YEATS4: variants seen among roughly 807,000 people sequenced by gnomAD.
YEATS4 encodes YEATS domain-containing protein 4.
In YEATS4, 17 loss-of-function variants were observed where a neutral mutation model predicts 30.1. The ratio of observed to expected loss-of-function variants is 0.56; its 90% CI spans 0.39 to 0.85. YEATS4 has a LOEUF of 0.85. Among genes scored for constraint, YEATS4 ranks in the 40% least tolerant of loss-of-function variants. The pLI is 0.00. For missense variants in YEATS4, 142 were observed against 268.3 expected (o/e 0.53, Z 3.29); for synonymous variants, 85 against 87.5 (o/e 0.97, Z 0.16).
chr12:69,390,413 A>G lies in YEATS4; in HGVS notation c.*97A>G. 8.5e-7 allele frequency: 1 copy of G among 1,175,538 alleles called. No individual in the cohort carries two copies. The highest frequency in any genetic ancestry group is 1.2e-6 in the Non-Finnish European group (1 of 862,382). The allele number at this position is 1,175,538 out of a possible 1,614,324, so 72.8% of individuals were successfully genotyped here. ...CTGCAAATGCTGTGATGTTTCTTAG[A>G]GGAACTTCATATACAGCTGTTGACC... On this transcript the variant is annotated 3_prime_UTR_variant, in exon 7 of 7. Transcript: ENST00000247843.
chr12:69,374,778 C>G (rs192651684), intron 6 of YEATS4, among the ~76,000 whole-genome samples: 3,468 of 152,200 alleles, frequency 0.023, 136 homozygotes, highest in African/African-American at 0.077. Flanking sequence ...ATGTCTACTT[C>G]TTTCTACACA....
the YEATS4 span, among the ~76,000 whole-genome samples, chr12:69,395,921 T>TG: frequency 6.6e-6 from 1 of 152,224 alleles, no homozygotes; most frequent in Non-Finnish European, 1.5e-5. Context: ...ATCTATCTCC[T>TG]GCCCCAGCCT....
rs576527103 is a variant in YEATS4, at chr12:69,378,820, A to G, written c.514+7845A>G. On this transcript the variant is annotated intron_variant, in intron 6 of 6. Transcript: ENST00000247843. ...GTGTAGTTTACAAACTGCAATTACAATGTAATAATATTCTTTGTTTTTCTG... is the reference window on the plus strand; with the variant it reads ...GTGTAGTTTACAAACTGCAATTACAGTGTAATAATATTCTTTGTTTTTCTG... 1.1e-4 allele frequency among the ~76,000 whole-genome samples: 16 copies of G among 152,322 alleles called. No homozygotes were observed. The East Asian group carries it at 2.1e-3, about 20-fold the overall frequency.
the YEATS4 span, among the ~76,000 whole-genome samples, chr12:69,407,874 G>A: frequency 2.0e-5 from 3 of 151,882 alleles, no homozygotes; most frequent in African/African-American, 4.8e-5. Context: ...GTGCCACCAC[G>A]CCTGGCTGAT....
the YEATS4 span, among the ~76,000 whole-genome samples, chr12:69,417,828 A>G: frequency 1.3e-5 from 2 of 149,880 alleles, no homozygotes; most frequent in African/African-American, 2.5e-5. Flanking sequence ...CTCCCCAGAA[A>G]TGCTTGGCTT....
At chr12:69,391,937 A>G (rs1868319448), downstream of YEATS4, among the ~76,000 whole-genome samples, 1 of 152,210 alleles carries the variant, frequency 6.6e-6, no homozygotes, top group Non-Finnish European at 1.5e-5. Flanking sequence ...ATGCATGCAT[A>G]CAAGGGTTCA....
chr12:69,392,608 A>C (rs898007247), downstream of YEATS4, among the ~76,000 whole-genome samples: 1 of 152,266 alleles, frequency 6.6e-6, no homozygotes, highest in African/African-American at 2.4e-5. Context: ...AAGAAGAATT[A>C]AAGAAACTCA....
the YEATS4 span, among the ~76,000 whole-genome samples, chr12:69,410,887 T>A: frequency 2.6e-5 from 4 of 152,198 alleles, no homozygotes; most frequent in Non-Finnish European, 5.9e-5. Flanking sequence ...TAAGGGACTT[T>A]GTGCAATGCC....
At chr12:69,425,175 G>C in the YEATS4 span, among the ~76,000 whole-genome samples, 1 of 152,126 alleles carries the variant, frequency 6.6e-6, no homozygotes, top group South Asian at 2.1e-4. Flanking sequence ...TGTCCGCCTC[G>C]GCCTCCCAAA....
the YEATS4 span, among the ~76,000 whole-genome samples, chr12:69,409,147 G>A: frequency 0.12 from 17,943 of 152,132 alleles, 1,229 homozygotes; most frequent in East Asian, 0.19. Flanking sequence ...TCGTGGCTCC[G>A]TTGCACACTG....
At chr12:69,414,548 C>T in the YEATS4 span, among the ~76,000 whole-genome samples, 8 of 152,128 alleles carry the variant, frequency 5.3e-5, no homozygotes, top group African/African-American at 1.9e-4. Context: ...TTCTTATTGT[C>T]CCCCAAATTG....
chr12:69,391,065 A>C (rs1197779265), downstream of YEATS4, among the ~76,000 whole-genome samples: 1 of 152,198 alleles, frequency 6.6e-6, no homozygotes, highest in Non-Finnish European at 1.5e-5. Flanking sequence ...AGTCCAAGGC[A>C]GGTGGATCAC....
At chr12:69,368,548 G>GT (rs1411968087) in intron 4 of YEATS4, among the ~76,000 whole-genome samples, 2 of 152,164 alleles carry the variant, frequency 1.3e-5, no homozygotes, top group African/African-American at 4.8e-5. Context: ...TGTGCACATG[G>GT]TTTTAAGAGA....
the YEATS4 span, among the ~76,000 whole-genome samples, chr12:69,398,851 T>C: frequency 5.4e-5 from 8 of 146,798 alleles, no homozygotes; most frequent in Admixed American, 3.4e-4. Context: ...TCTTCATCAT[T>C]AAAAACTTTT....
chr12:69,415,185 T>C, the YEATS4 span, among the ~76,000 whole-genome samples: 35 of 152,178 alleles, frequency 2.3e-4, no homozygotes, highest in African/African-American at 8.0e-4. Context: ...TCCCCTGTTG[T>C]CCTTTGCACC....
the YEATS4 span, among the ~76,000 whole-genome samples, chr12:69,411,620 A>G: frequency 0.7 from 107,100 of 152,148 alleles, 37,851 homozygotes; most frequent in East Asian, 0.81. Context: ...GGGGAAGAGA[A>G]TTGGGAGTAC....
At chr12:69,389,293 AC>A (rs912400431) in intron 6 of YEATS4, among the ~76,000 whole-genome samples, 1 of 151,708 alleles carries the variant, frequency 6.6e-6, no homozygotes, top group African/African-American at 2.4e-5. Context: ...CTACTAAAAT[AC>A]AAAAAATTAG....
chr12:69,392,025 C>T (rs1381563524), downstream of YEATS4, among the ~76,000 whole-genome samples: 1 of 152,118 alleles, frequency 6.6e-6, no homozygotes, highest in Non-Finnish European at 1.5e-5. Flanking sequence ...TAGGATTTCA[C>T]TGTGACATTG....
intron 6 of YEATS4, among the ~76,000 whole-genome samples, chr12:69,374,744 G>A (rs1875777208): frequency 6.6e-6 from 1 of 151,826 alleles, no homozygotes; most frequent in South Asian, 2.1e-4. Flanking sequence ...ATTTTTCTTA[G>A]TACACAACAA....
Sources: allele counts gnomAD v4.1 joint callset (sites outside exome capture counted in the v4.1 genomes callset), GRCh38; gene constraint gnomAD v4.1.1; transcripts MANE v1.5; gene names NCBI Gene and HGNC (gene_info 2026-07-23, HGNC 2026-07-21).